Variants in KANSL1L observed in about 807,000 individuals in gnomAD.
KANSL1L encodes the protein KAT8 regulatory NSL complex subunit 1-like protein.
A neutral mutation model predicts 108.6 loss-of-function variants in KANSL1L; 25 were observed. The observed-to-expected ratio is 0.23, with a 90% CI of 0.17 to 0.32. The LOEUF (loss-of-function observed/expected upper bound fraction) is 0.32. Ranked by LOEUF, KANSL1L falls within the 10% of genes least tolerant of loss-of-function variation. The probability of loss-of-function intolerance (pLI) is 1.00; values close to 1 mark genes in which losing one functional copy is unlikely to be tolerated. For missense variants in KANSL1L, 1,137 were observed against 1,125.7 expected (o/e 1.01, Z -0.14); for synonymous variants, 405 against 395.1 (o/e 1.03, Z -0.30).
At chr2:210,035,679 A>G (rs925510501) in intron 8 of KANSL1L, among the ~76,000 whole-genome samples, 2 of 152,256 alleles carry the variant, frequency 1.3e-5, no homozygotes, top group African/African-American at 2.4e-5. Flanking sequence ...GGGTTTCACC[A>G]TGTTGCCAAG....
chr2:210,113,238 T>C (rs891339857), intron 3 of KANSL1L, among the ~76,000 whole-genome samples: 1 of 152,146 alleles, frequency 6.6e-6, no homozygotes, highest in Non-Finnish European at 1.5e-5. Context: ...CATTTTTCTC[T>C]TTTCCCCTTT....
chr2:210,088,701 T>C (rs1359350823), intron 5 of KANSL1L: 1 of 152,540 alleles, frequency 6.6e-6, no homozygotes, highest in Non-Finnish European at 1.5e-5. Flanking sequence ...CTGAAGCAGG[T>C]GGGCATTGGC....
intron 3 of KANSL1L, among the ~76,000 whole-genome samples, chr2:210,112,746 C>T (rs139816949): frequency 1.3e-5 from 2 of 152,156 alleles, no homozygotes; most frequent in African/African-American, 4.8e-5. Context: ...AAATATTTAT[C>T]GTTTCTATGT....
At chr2:210,078,938 T>C (rs1165829108) in intron 5 of KANSL1L, among the ~76,000 whole-genome samples, 2 of 152,166 alleles carry the variant, frequency 1.3e-5, no homozygotes, top group Non-Finnish European at 2.9e-5. Context: ...ATAAGGTTTA[T>C]CTCTTTTTAA....
At position 210,129,114 on chromosome 2, in the gene KANSL1L, T is replaced by C. The variant is rs560336301; in HGVS notation, c.1147A>G (p.Thr383Ala). The C allele has an allele frequency of 3.7e-6, 6 of 1,613,826 alleles. No individual in the cohort carries two copies. The South Asian group carries it at 5.5e-5, about 15-fold the overall frequency. Residue 383 changes from threonine to alanine, a missense_variant, in exon 3 of 15, where the codon ACT (threonine) becomes GCT (alanine). Around this residue, in one of 3 missense-constraint regions of KANSL1L, gnomAD observed 556 missense variants for 537.7 expected, o/e 1.03. Coordinates refer to ENST00000281772, the MANE Select transcript of KANSL1L (RefSeq NM_152519.4). ...TCTGAAATCTGAGCTTGAAGCCAAG[T>C]CCATCGGCTGCCAACTCGTGCTCTG... The part of the protein sequence containing the change: ...VDRARVGSRW[T>A]WLQAQISDLE...
At chr2:210,043,109 A>C (rs2094184400) in intron 7 of KANSL1L, among the ~76,000 whole-genome samples, 1 of 152,102 alleles carries the variant, frequency 6.6e-6, no homozygotes, top group African/African-American at 2.4e-5. Flanking sequence ...AAGAACTGAA[A>C]ATTTAAAACC....
At chr2:210,117,572 G>A (rs1559571813) in intron 3 of KANSL1L, among the ~76,000 whole-genome samples, 1 of 152,124 alleles carries the variant, frequency 6.6e-6, no homozygotes, top group Admixed American at 6.5e-5. Context: ...AACCTTACAG[G>A]TGAGGAGTGA....
chr2:210,109,216 C>T (rs370387701), intron 3 of KANSL1L, among the ~76,000 whole-genome samples: 15 of 152,004 alleles, frequency 9.9e-5, no homozygotes, highest in East Asian at 1.9e-4. Context: ...CAGGTATTAC[C>T]GAATATATTA....
chr2:210,122,182 AC>A (rs1364224320), intron 3 of KANSL1L, among the ~76,000 whole-genome samples: 1 of 152,190 alleles, frequency 6.6e-6, no homozygotes, highest in Non-Finnish European at 1.5e-5. Context: ...AGAAAAAACA[AC>A]CCTAAAATTT....
At chr2:210,122,230 G>A in intron 3 of KANSL1L, among the ~76,000 whole-genome samples, 1 of 152,026 alleles carries the variant, frequency 6.6e-6, no homozygotes, top group Non-Finnish European at 1.5e-5. Context: ...AGCTAAAGCT[G>A]TCCTGAGCAT....
At chr2:210,166,744 T>C (rs1013654875) in intron 1 of KANSL1L, among the ~76,000 whole-genome samples, 2 of 152,070 alleles carry the variant, frequency 1.3e-5, no homozygotes, top group Non-Finnish European at 2.9e-5. Context: ...AGATTTATAC[T>C]TGATGCTTAA....
At chr2:210,157,280 C>A (rs2095338982) in intron 1 of KANSL1L, among the ~76,000 whole-genome samples, 1 of 152,152 alleles carries the variant, frequency 6.6e-6, no homozygotes, top group Non-Finnish European at 1.5e-5. Flanking sequence ...TCTCAAAAAT[C>A]TGAACAGCGT....
chr2:210,090,067 A>G (rs900034969), intron 5 of KANSL1L, among the ~76,000 whole-genome samples: 7 of 152,224 alleles, frequency 4.6e-5, no homozygotes, highest in African/African-American at 1.7e-4. Flanking sequence ...AACGACTAGT[A>G]TACTATCTAA....
intron 6 of KANSL1L, among the ~76,000 whole-genome samples, chr2:210,045,618 T>C (rs1034103167): frequency 3.9e-5 from 6 of 152,370 alleles, no homozygotes; most frequent in Middle Eastern, 3.4e-3. Context: ...CTCCCTTTGC[T>C]ACTATCATAG....
In KANSL1L at chr2:210,053,942, A is replaced by G. The variant is rs141223996; in HGVS notation, c.1756-9838T>C. On this transcript the variant is annotated intron_variant, in intron 6 of 14. Coordinates refer to ENST00000281772, the MANE Select transcript of KANSL1L (RefSeq NM_152519.4). ...AAATGGGCAAAGGATATAGTTAGTC[A>G]GTTTACAGAAAGAAAATATAATGGC... Among the ~76,000 whole-genome samples, 868 of 152,274 alleles carry G rather than the reference A, an allele frequency of 5.7e-3. 3 individuals carry two copies. Among genetic ancestry groups the G allele is most frequent in the Middle Eastern group, 0.014 (4 of 294 alleles).
chr2:210,106,279 G>C (rs1466189261), intron 3 of KANSL1L, among the ~76,000 whole-genome samples: 2 of 151,920 alleles, frequency 1.3e-5, no homozygotes, highest in African/African-American at 4.8e-5. Flanking sequence ...TTATAGTATG[G>C]GCCAGTCTGT....
intron 1 of KANSL1L, among the ~76,000 whole-genome samples, chr2:210,158,837 C>T (rs1477735374): frequency 2.6e-5 from 4 of 152,002 alleles, no homozygotes; most frequent in Admixed American, 6.6e-5. Context: ...AATATAAGTA[C>T]ATTTCTTCCA....
In KANSL1L at chr2:210,138,509, T is replaced by G. The variant is rs144220295; in HGVS notation, c.1089-9337A>C. 1.1e-4 allele frequency among the ~76,000 whole-genome samples: 16 copies of G among 152,314 alleles called. 1 individual carries two copies. In the East Asian group the frequency reaches 3.1e-3, roughly 29 times the overall value. The stretch of plus-strand genomic sequence containing the variant: ...TAAAAAAAGTTAATGATATCAATTC[T>G]ATAAAAAAAACTTTTAGAAATAATA... On this transcript the variant is annotated intron_variant, in intron 2 of 14. Coordinates refer to ENST00000281772, the MANE Select transcript of KANSL1L (RefSeq NM_152519.4).
At chr2:210,095,574 T>C (rs1363054159) in intron 5 of KANSL1L, among the ~76,000 whole-genome samples, 1 of 152,168 alleles carries the variant, frequency 6.6e-6, no homozygotes, top group African/African-American at 2.4e-5. Flanking sequence ...AATAGATTTA[T>C]AGATTTTTTA....
Sources: gnomAD v4.1 joint callset for allele counts (sites outside exome capture counted in the v4.1 genomes callset) on GRCh38, gnomAD v4.1.1 for gene constraint, gnomAD v4.1.1 regional missense constraint, MANE v1.5 for transcripts, NCBI Gene and HGNC (gene_info 2026-07-23, HGNC 2026-07-21) for gene names.